BORCS5: variants seen among roughly 807,000 people sequenced by gnomAD.
BORCS5 encodes BLOC-1-related complex subunit 5.
BORCS5 carries 17 observed loss-of-function variants against 22.1 expected under a neutral mutation model. The observed-to-expected ratio is 0.77, with a 90% CI of 0.53 to 1.15. The LOEUF is 1.15. Ranked by LOEUF, BORCS5 falls within the 50% of genes most tolerant of loss-of-function variation. The pLI is 0.00. For missense variants in BORCS5, 247 were observed against 253.2 expected, an observed-to-expected ratio of 0.98 and a Z score of 0.17; for synonymous variants, 117 against 99.8, an observed-to-expected ratio of 1.17 and a Z score of -1.03.
intron 2 of BORCS5, among the ~76,000 whole-genome samples, chr12:12,415,619 G>T (rs1029249968): frequency 1.4e-5 from 2 of 140,620 alleles, no homozygotes; most frequent in Non-Finnish European, 3.0e-5. Context: ...TTCTAATATA[G>T]GCTGTTACGT....
In BORCS5 at chr12:12,465,842, A is replaced by C; in HGVS notation, c.*66A>C. On this transcript the variant is annotated 3_prime_UTR_variant, in exon 4 of 4. Transcript: ENST00000314565. Reference sequence around the variant, plus strand: ...GACACCCTGAGGACGTGTGGAGCTAAGGTCATATCATCTGACCAGGTCTGG... The same window carrying C: ...GACACCCTGAGGACGTGTGGAGCTACGGTCATATCATCTGACCAGGTCTGG... 7.2e-7 allele frequency: 1 copy of C among 1,388,500 alleles called. No individual in the cohort carries two copies. Among genetic ancestry groups the C allele is most frequent in the Non-Finnish European group, 9.9e-7 (1 of 1,011,680 alleles). 86.0% of individuals were successfully genotyped at this position (1,388,500 alleles called of 1,614,324 possible).
chr12:12,455,377 T>C (rs1592140710), intron 3 of BORCS5, among the ~76,000 whole-genome samples: 1 of 152,114 alleles, frequency 6.6e-6, no homozygotes, highest in South Asian at 2.1e-4. Context: ...AAGTGAGATA[T>C]CTATTGAGAT....
intron 2 of BORCS5, among the ~76,000 whole-genome samples, chr12:12,431,160 GGT>G (rs566909745): frequency 6.6e-6 from 1 of 152,038 alleles, no homozygotes; most frequent in Non-Finnish European, 1.5e-5. Context: ...TCCTCCATAG[GGT>G]GTTAACAACT....
chr12:12,460,846 T>A (rs1332299656), intron 3 of BORCS5, among the ~76,000 whole-genome samples: 5 of 152,246 alleles, frequency 3.3e-5, no homozygotes, highest in African/African-American at 1.2e-4. Flanking sequence ...TTGGTCATAA[T>A]GTATTATCCT....
Position 12,435,609 on chromosome 12 carries a change from A to AT in BORCS5, c.203-12dup, listed in dbSNP as rs1942537758. On this transcript the variant is annotated intron_variant, in intron 2 of 3. Transcript: ENST00000314565. ...TTAGCAGTAATTTTAATTTCATTTC[A>AT]TTTTTTTCTCCTTTGAAGGGCTATT... The AT allele has an allele frequency of 2.5e-6, 4 of 1,586,846 alleles. No individual in the cohort carries two copies. The highest frequency in any genetic ancestry group is 2.3e-5 in the East Asian group (1 of 44,414).
chr12:12,447,767 T>C (rs7309503), intron 3 of BORCS5, among the ~76,000 whole-genome samples: 93,630 of 152,152 alleles, frequency 0.62, 30,082 homozygotes, highest in African/African-American at 0.8. Flanking sequence ...TCCAGTTTTC[T>C]ATTGTTTCAT....
At chr12:12,400,994 CTTA>C (rs1305822462) in intron 2 of BORCS5, among the ~76,000 whole-genome samples, 7 of 152,156 alleles carry the variant, frequency 4.6e-5, no homozygotes, top group African/African-American at 1.7e-4. Context: ...ATATGTCTCA[CTTA>C]TTTTCACTGC....
chr12:12,454,648 T>A (rs1485790090), intron 3 of BORCS5, among the ~76,000 whole-genome samples: 1 of 152,212 alleles, frequency 6.6e-6, no homozygotes, highest in Non-Finnish European at 1.5e-5. Context: ...TGTAGCAGTT[T>A]TCTTTTAATG....
rs556598929 is a variant in BORCS5 at position 12,442,029 on chromosome 12, T to C, written c.360+6244T>C. The stretch of plus-strand genomic sequence containing the variant: ...ACTTAGTTTTAGGTTACATCTATCA[T>C]TGAAATGTGGGGTAACTGAAAAGCC... On this transcript the variant is annotated intron_variant, in intron 3 of 3. Transcript: ENST00000314565. 3.9e-5 allele frequency among the ~76,000 whole-genome samples: 6 copies of C among 152,296 alleles called. No homozygotes were observed. The South Asian group carries it at 1.0e-3, about 26-fold the overall frequency.
intron 2 of BORCS5, among the ~76,000 whole-genome samples, chr12:12,409,945 CATT>C (rs1243613663): frequency 6.6e-6 from 1 of 152,208 alleles, no homozygotes; most frequent in East Asian, 1.9e-4. Context: ...GATGGTATCT[CATT>C]GTGGTTTTGA....
intron 2 of BORCS5, among the ~76,000 whole-genome samples, chr12:12,365,524 C>A (rs1243503740): frequency 6.6e-6 from 1 of 151,318 alleles, no homozygotes; most frequent in Non-Finnish European, 1.5e-5. Context: ...ATAATTCATC[C>A]CCCCCACCCC....
intron 2 of BORCS5, among the ~76,000 whole-genome samples, chr12:12,417,442 G>A (rs1304884073): frequency 5.9e-5 from 9 of 152,060 alleles, no homozygotes; most frequent in Non-Finnish European, 1.5e-5. Context: ...TCTGTTGTTA[G>A]GTACATTATT....
At chr12:12,372,345 A>AT (rs111464985) in intron 2 of BORCS5, among the ~76,000 whole-genome samples, 16 of 150,224 alleles carry the variant, frequency 1.1e-4, no homozygotes, top group South Asian at 4.2e-4. Context: ...TTACTTACTA[A>AT]TTTTTTTTTT....
rs948488211 is a variant in BORCS5 at position 12,468,987 on chromosome 12, T to G, written c.*3211T>G. The G allele has an allele frequency of 6.6e-6, 1 of 152,244 alleles. No individual in the cohort carries two copies. The highest frequency in any genetic ancestry group is 6.5e-5 in the Admixed American group (1 of 15,286). The allele number at this position is 152,244 out of a possible 1,614,324, so 9.4% of individuals were successfully genotyped here. ...TTGAACCTAGATACCTACCCAGTAT[T>G]CTCTGCACAGAGTAAACATTTCATT... On this transcript the variant is annotated 3_prime_UTR_variant, in exon 4 of 4. Coordinates refer to ENST00000314565, the MANE Select transcript of BORCS5 (RefSeq NM_058169.6).
intron 3 of BORCS5, among the ~76,000 whole-genome samples, chr12:12,462,192 T>G (rs1163198510): frequency 6.6e-6 from 1 of 152,232 alleles, no homozygotes; most frequent in Non-Finnish European, 1.5e-5. Flanking sequence ...CAGTGCTCAC[T>G]GTGTGCTGGG....
chr12:12,438,234 G>A (rs890387606), intron 3 of BORCS5, among the ~76,000 whole-genome samples: 4 of 151,806 alleles, frequency 2.6e-5, no homozygotes, highest in Admixed American at 2.6e-4. Context: ...GATGGTGCAT[G>A]CCTGTAGTCC....
At chr12:12,391,061 G>A (rs1180626656) in intron 2 of BORCS5, among the ~76,000 whole-genome samples, 3 of 151,988 alleles carry the variant, frequency 2.0e-5, no homozygotes, top group East Asian at 1.9e-4. Context: ...TGCCTTCAGC[G>A]CTTGTTCTCT....
intron 2 of BORCS5, among the ~76,000 whole-genome samples, chr12:12,374,459 C>G (rs975928014): frequency 5.3e-5 from 8 of 150,292 alleles, no homozygotes; most frequent in Non-Finnish European, 1.2e-4. Flanking sequence ...ATGGTGAGAC[C>G]CTGTCTGTAC....
intron 3 of BORCS5, among the ~76,000 whole-genome samples, chr12:12,455,494 C>G (rs1044672211): frequency 6.6e-6 from 1 of 152,144 alleles, no homozygotes; most frequent in Non-Finnish European, 1.5e-5. Flanking sequence ...TAAATGCCGT[C>G]TTGAGCTGGG....
Sources: gnomAD v4.1 joint callset for allele counts (sites outside exome capture counted in the v4.1 genomes callset) on GRCh38, gnomAD v4.1.1 for gene constraint, MANE v1.5 for transcripts, NCBI Gene and HGNC (gene_info 2026-07-23, HGNC 2026-07-21) for gene names.